Variants in RECQL observed in about 807,000 individuals in gnomAD.
The protein encoded by RECQL is ATP-dependent DNA helicase Q1.
A neutral mutation model predicts 75.8 loss-of-function variants in RECQL; 73 were observed. The observed-to-expected ratio is 0.96, with a 90% CI of 0.80 to 1.17. The LOEUF is 1.17. RECQL is among the 50% of genes most tolerant of loss of function. RECQL has a pLI of 0.00. For synonymous variants in RECQL, 248 were observed against 254.4 expected, an observed-to-expected ratio of 0.97 and a Z score of 0.24; for missense variants, 699 against 772.1, an observed-to-expected ratio of 0.91 and a Z score of 1.12.
intron 10 of RECQL, among the ~76,000 whole-genome samples, 163 bp from the exon 11 acceptor site, chr12:21,475,142 TC>T (rs1943057937): frequency 6.6e-6 from 1 of 151,940 alleles, no homozygotes; most frequent in South Asian, 2.1e-4. Context: ...TAAAAAAAAC[TC>T]TAAAGAGACA....
intron 5 of RECQL, among the ~76,000 whole-genome samples, chr12:21,485,481 G>C (rs566635380): frequency 6.6e-6 from 1 of 151,738 alleles, no homozygotes; most frequent in African/African-American, 2.4e-5. Context: ...AAGATATAAA[G>C]AGAACCTATG....
intron 4 of RECQL, among the ~76,000 whole-genome samples, chr12:21,489,795 G>T (rs1180747764): frequency 6.6e-6 from 1 of 152,150 alleles, no homozygotes; most frequent in African/African-American, 2.4e-5. Flanking sequence ...TGAATGTTCA[G>T]TACAATATGT....
At chr12:21,484,954 A>T (rs1359213218) in intron 5 of RECQL, among the ~76,000 whole-genome samples, 1 of 151,816 alleles carries the variant, frequency 6.6e-6, no homozygotes, top group Admixed American at 6.6e-5. Context: ...GTTAATGAGG[A>T]AAAAGTTTAT....
intron 8 of RECQL, 86 bp from the exon 9 acceptor site, chr12:21,475,910 AATACAATGCACAG>A (rs1943079441): frequency 9.4e-7 from 1 of 1,063,634 alleles, no homozygotes; most frequent in Admixed American, 2.0e-5. Context: ...GACATTGATT[AATACAATGCACAG>A]AAGGAAAAAA....
intron 2 of RECQL, among the ~76,000 whole-genome samples, 173 bp from the exon 3 acceptor site, chr12:21,491,889 T>A (rs1041899400): frequency 1.3e-5 from 2 of 152,152 alleles, no homozygotes; most frequent in Admixed American, 6.5e-5. Flanking sequence ...AAATCTCAGG[T>A]CCTCCTTTTA....
At chr12:21,492,735 TG>T (rs1326793333) in intron 2 of RECQL, among the ~76,000 whole-genome samples, 1 of 152,216 alleles carries the variant, frequency 6.6e-6, no homozygotes, top group African/African-American at 2.4e-5. Flanking sequence ...TTTGTGGACG[TG>T]GGGCAGAAGC....
intron 6 of RECQL, among the ~76,000 whole-genome samples, chr12:21,478,343 G>C (rs1943126646): frequency 6.6e-6 from 1 of 151,944 alleles, no homozygotes; most frequent in African/African-American, 2.4e-5. Context: ...AACCATTCTA[G>C]GCTCAAACTT....
At chr12:21,481,911 T>C (rs1391983264) in intron 6 of RECQL, among the ~76,000 whole-genome samples, 1 of 151,600 alleles carries the variant, frequency 6.6e-6, no homozygotes, top group African/African-American at 2.4e-5. Context: ...GGAAGAGGAA[T>C]GAAGATGAGA....
intron 4 of RECQL, 70 bp downstream of exon 4, chr12:21,490,129 T>C: frequency 1.2e-6 from 1 of 815,542 alleles, no homozygotes; most frequent in Non-Finnish European, 1.8e-6. Flanking sequence ...TAAATTATTT[T>C]TTAAAAGAAT....
intron 14 of RECQL, 169 bp downstream of exon 14, chr12:21,470,800 T>TAA (rs1356655726): frequency 4.4e-6 from 2 of 449,552 alleles, no homozygotes; most frequent in East Asian, 7.9e-5. Flanking sequence ...TTCTTTCACT[T>TAA]ACATCTTTAC....
chr12:21,490,184 T>G lies in RECQL; in HGVS notation c.394+15A>C, dbSNP rs376721547. 4 of 1,511,562 alleles carry G rather than the reference T, an allele frequency of 2.6e-6. No homozygotes were observed. Among genetic ancestry groups the G allele is most frequent in the Non-Finnish European group, 3.6e-6 (4 of 1,114,870 alleles). The allele number at this position is 1,511,562 out of a possible 1,614,324, so 93.6% of individuals were successfully genotyped here. On this transcript the variant is annotated intron_variant, in intron 4 of 14. Transcript: ENST00000444129. ...AGCACTTCTTCAACTCAAAATTAAT[T>G]TTTTTAGTACATACCATCTGAACAT... is the stretch of plus-strand genomic sequence containing the variant.
At chr12:21,485,030 A>C (rs7956315) in intron 5 of RECQL, among the ~76,000 whole-genome samples, 22,992 of 151,804 alleles carry the variant, frequency 0.15, 2,084 homozygotes, top group Middle Eastern at 0.27. Context: ...ACCATTTTGC[A>C]CCTCCCTAAT....
intron 3 of RECQL, among the ~76,000 whole-genome samples, chr12:21,490,735 T>G (rs1050684900): frequency 6.6e-6 from 1 of 152,074 alleles, no homozygotes; most frequent in Admixed American, 6.6e-5. Flanking sequence ...GCACCTGTAG[T>G]CCCAGCTACT....
intron 6 of RECQL, 72 bp downstream of exon 6, chr12:21,483,304 T>C (rs1178982448): frequency 2.1e-6 from 2 of 962,004 alleles, no homozygotes; most frequent in Non-Finnish European, 3.2e-6. Flanking sequence ...GAAGCAGAGA[T>C]TTCCATCATG....
At chr12:21,479,199 T>C (rs1276915334) in intron 6 of RECQL, among the ~76,000 whole-genome samples, 1 of 152,150 alleles carries the variant, frequency 6.6e-6, no homozygotes, top group Non-Finnish European at 1.5e-5. Context: ...AAAACCGTTA[T>C]CCCATAACAT....
At chr12:21,471,874 A>G (rs556876991) in intron 12 of RECQL, among the ~76,000 whole-genome samples, 7 of 151,440 alleles carry the variant, frequency 4.6e-5, no homozygotes, top group African/African-American at 1.5e-4. Context: ...TGATATATAT[A>G]AAAAAAAATT....
At chr12:21,491,926 C>G (rs1296593696) in intron 2 of RECQL, among the ~76,000 whole-genome samples, 1 of 152,188 alleles carries the variant, frequency 6.6e-6, no homozygotes, top group Non-Finnish European at 1.5e-5. Flanking sequence ...AGACAAGATA[C>G]TCACCTGCAT....
chr12:21,469,408 G>A lies in RECQL; in HGVS notation c.*786C>T, dbSNP rs1034512074. The A allele has an allele frequency of 6.6e-6, 1 of 151,232 alleles. No homozygotes were observed. The highest frequency in any genetic ancestry group is 2.4e-5 in the African/African-American group (1 of 41,090). The allele number at this position is 151,232 out of a possible 1,614,324, so 9.4% of individuals were successfully genotyped here. ...TTTTTAAGCTCATCAGCTATCGTCA[G>A]TGTTAGCATATTTTATGTGCGGCCC... On this transcript the variant is annotated 3_prime_UTR_variant, in exon 15 of 15. Transcript: ENST00000444129.
chr12:21,483,090 A>G (rs971746236), intron 6 of RECQL, among the ~76,000 whole-genome samples: 7 of 152,246 alleles, frequency 4.6e-5, no homozygotes, highest in African/African-American at 1.4e-4. Flanking sequence ...CATAATTGAC[A>G]AGGGCAATTA....
Sources: allele counts gnomAD v4.1 joint callset (sites outside exome capture counted in the v4.1 genomes callset), GRCh38; gene constraint gnomAD v4.1.1; transcripts MANE v1.5; gene names NCBI Gene and HGNC (gene_info 2026-07-23, HGNC 2026-07-21).